CDK14: variants seen among roughly 807,000 people sequenced by gnomAD.
The protein encoded by CDK14 is cyclin-dependent kinase 14.
CDK14 carries 34 observed loss-of-function variants against 60.7 expected under a neutral mutation model. The observed-to-expected ratio is 0.56, with a 90% CI of 0.43 to 0.75. The LOEUF is 0.75. Among genes scored for constraint, CDK14 ranks in the 30% least tolerant of loss-of-function variants. CDK14 has a pLI of 0.00. For missense variants in CDK14, 482 were observed against 564.1 expected, an observed-to-expected ratio of 0.85 and a Z score of 1.47; for synonymous variants, 197 against 203.7, an observed-to-expected ratio of 0.97 and a Z score of 0.28.
chr7:90,696,043 T>C lies in CDK14; in HGVS notation c.124-30524T>C, dbSNP rs138293781. Among the ~76,000 whole-genome samples the C allele has an allele frequency of 5.4e-4, 82 of 152,270 alleles. 1 individual carries two copies. In the East Asian group the frequency reaches 0.014, roughly 27 times the overall value. On this transcript the variant is annotated intron_variant, in intron 2 of 14. Coordinates refer to ENST00000380050, the MANE Select transcript of CDK14 (RefSeq NM_001287135.2). ...GCTGCAGAAAGACCAGTTAGGAGGC[T>C]GTGGTCATCACCTAGGTGAGATGTG...
intron 11 of CDK14, among the ~76,000 whole-genome samples, chr7:91,068,699 C>A (rs1798049025): frequency 6.7e-6 from 1 of 150,318 alleles, no homozygotes; most frequent in Admixed American, 6.7e-5. Flanking sequence ...TAGCCCAAGT[C>A]ATATTGTCTC....
chr7:90,672,978 G>T (rs1801127789), intron 2 of CDK14, among the ~76,000 whole-genome samples: 1 of 151,910 alleles, frequency 6.6e-6, no homozygotes, highest in African/African-American at 2.4e-5. Context: ...ACACATTTTA[G>T]GTTGCCATAA....
intron 5 of CDK14, among the ~76,000 whole-genome samples, chr7:90,840,653 T>A (rs898349418): frequency 6.6e-6 from 1 of 152,352 alleles, no homozygotes; most frequent in South Asian, 2.1e-4. Flanking sequence ...AATATGGTAG[T>A]TCTGGAAGAG....
At chr7:90,766,726 A>G (rs1804578393) in intron 4 of CDK14, among the ~76,000 whole-genome samples, 1 of 152,056 alleles carries the variant, frequency 6.6e-6, no homozygotes, top group African/African-American at 2.4e-5. Context: ...GTCCGAGGGG[A>G]GTGGGTAGAT....
intron 2 of CDK14, 101 bp from the exon 3 acceptor site, chr7:90,726,465 CT>C (rs1802636303): frequency 7.4e-7 from 1 of 1,351,700 alleles, no homozygotes; most frequent in African/African-American, 1.5e-5. Context: ...TGGGTATTTC[CT>C]GAAACTGAAA....
chr7:91,206,573 C>T (rs370783772), intron 14 of CDK14, among the ~76,000 whole-genome samples: 29 of 152,250 alleles, frequency 1.9e-4, no homozygotes, highest in African/African-American at 7.0e-4. Flanking sequence ...CATTCACCCA[C>T]AAGTTGTTAT....
intron 2 of CDK14, among the ~76,000 whole-genome samples, chr7:90,641,535 T>G (rs958955349): frequency 6.6e-6 from 1 of 152,126 alleles, no homozygotes; most frequent in Non-Finnish European, 1.5e-5. Flanking sequence ...GGACCACATA[T>G]TGTATGATTC....
In CDK14 at chr7:91,209,283, T is replaced by C. The variant is rs1358405070; in HGVS notation, c.*2147T>C. 2 of 152,224 alleles carry C rather than the reference T, an allele frequency of 1.3e-5. No homozygotes were observed. The highest frequency in any genetic ancestry group is 4.8e-5 in the African/African-American group (2 of 41,456). 9.4% of individuals were successfully genotyped at this position (152,224 alleles called of 1,614,324 possible). ...TTCTTCGGAGAAGTGAAATATAACA[T>C]TACTCAGTGGACGGAGAAATCTGTT... On this transcript the variant is annotated 3_prime_UTR_variant, in exon 15 of 15. Coordinates refer to ENST00000380050, the MANE Select transcript of CDK14 (RefSeq NM_001287135.2).
chr7:90,971,596 G>A (rs1794933221), intron 9 of CDK14, among the ~76,000 whole-genome samples: 4 of 148,170 alleles, frequency 2.7e-5, no homozygotes, highest in Admixed American at 2.0e-4. Flanking sequence ...AGATCAGATT[G>A]TAGAAGTATT....
intron 5 of CDK14, among the ~76,000 whole-genome samples, chr7:90,826,967 T>C (rs75902738): frequency 6.6e-6 from 1 of 151,960 alleles, no homozygotes; most frequent in South Asian, 2.1e-4. Flanking sequence ...CATGATGTAT[T>C]TACATATCTA....
In CDK14 at chr7:91,209,357, A is replaced by G. The variant is rs1043376467; in HGVS notation, c.*2221A>G. On this transcript the variant is annotated 3_prime_UTR_variant, in exon 15 of 15. Coordinates refer to ENST00000380050, the MANE Select transcript of CDK14 (RefSeq NM_001287135.2). ...GAAGGTCAGGAGGTTTTGAGTACCT[A>G]TCCTTGCCACCCATACAGGAAATCC... is the stretch of plus-strand genomic sequence containing the variant. 1 of 151,944 alleles carries G rather than the reference A, an allele frequency of 6.6e-6. No homozygotes were observed. The highest frequency in any genetic ancestry group is 2.4e-5 in the African/African-American group (1 of 41,348). 9.4% of individuals were successfully genotyped at this position (151,944 alleles called of 1,614,324 possible).
At chr7:91,028,031 A>T (rs185093565) in intron 10 of CDK14, among the ~76,000 whole-genome samples, 3 of 131,886 alleles carry the variant, frequency 2.3e-5, no homozygotes, top group Non-Finnish European at 3.2e-5. Context: ...ATTTTTTTTT[A>T]TCCCTCAACC....
chr7:90,957,299 T>A (rs1794455919), intron 9 of CDK14, among the ~76,000 whole-genome samples: 1 of 152,148 alleles, frequency 6.6e-6, no homozygotes, highest in Admixed American at 6.6e-5. Flanking sequence ...TTTTTAATGA[T>A]TGCGATTCTA....
intron 5 of CDK14, among the ~76,000 whole-genome samples, chr7:90,839,829 A>G (rs932832167): frequency 2.0e-5 from 3 of 152,116 alleles, no homozygotes; most frequent in Non-Finnish European, 4.4e-5. Flanking sequence ...GTGCATAGTG[A>G]AGTTTTTTTT....
At chr7:91,029,605 T>TCCG (rs1461956436) in intron 10 of CDK14, among the ~76,000 whole-genome samples, 2,780 of 88,990 alleles carry the variant, frequency 0.031, 83 homozygotes, top group African/African-American at 0.09. Context: ...TCTCCTCTCC[T>TCCG]CTCCTCCGCT....
intron 1 of CDK14, among the ~76,000 whole-genome samples, chr7:90,602,096 T>C (rs1799328602): frequency 6.6e-6 from 1 of 152,158 alleles, no homozygotes; most frequent in South Asian, 2.1e-4. Flanking sequence ...TGTGAGCCAC[T>C]GCACCTGGTG....
At chr7:90,911,225 C>T (rs895727249) in intron 7 of CDK14, among the ~76,000 whole-genome samples, 10 of 152,088 alleles carry the variant, frequency 6.6e-5, no homozygotes, top group Admixed American at 2.6e-4. Flanking sequence ...AGTGATTCAA[C>T]TCCAGTTGTT....
intron 5 of CDK14, among the ~76,000 whole-genome samples, chr7:90,846,999 C>A (rs1302482320): frequency 2.0e-5 from 3 of 152,128 alleles, no homozygotes; most frequent in Non-Finnish European, 4.4e-5. Context: ...TTTTAAGATC[C>A]CAGCAGAAGA....
intron 2 of CDK14, among the ~76,000 whole-genome samples, chr7:90,677,890 G>C (rs924829632): frequency 6.6e-6 from 1 of 152,182 alleles, no homozygotes. Context: ...AGGGCATGTC[G>C]TTTCTTTAGG....
Sources: allele counts gnomAD v4.1 joint callset (sites outside exome capture counted in the v4.1 genomes callset), GRCh38; gene constraint gnomAD v4.1.1; transcripts MANE v1.5; gene names NCBI Gene and HGNC (gene_info 2026-07-23, HGNC 2026-07-21).